The following ZNF880 variants were observed in gnomAD, a reference collection of about 807,000 sequenced individuals.
ZNF880 encodes the protein zinc finger protein LOC400713.
ZNF880 carries 12 observed loss-of-function variants against 11.8 expected under a neutral mutation model. That is an observed-to-expected ratio of 1.02 (90% CI 0.65 to 1.65). The LOEUF is 1.65. ZNF880 is among the 40% of genes most tolerant of loss of function. The pLI, the probability that ZNF880 is intolerant of heterozygous loss-of-function variation, is 0.00. For synonymous variants in ZNF880, 210 were observed against 232.4 expected, an observed-to-expected ratio of 0.90 and a Z score of 0.88; for missense variants, 601 against 673.9, an observed-to-expected ratio of 0.89 and a Z score of 1.20.
chr19:52,388,281 A>ATTTTTT (rs1298446341), downstream of ZNF880, among the ~76,000 whole-genome samples: 1 of 38,892 alleles, frequency 2.6e-5, no homozygotes, highest in Non-Finnish European at 4.6e-5. Flanking sequence ...GGCAATTTGA[A>ATTTTTT]CTTTTTTTTT....
intron 1 of ZNF880, chr19:52,370,737 G>A (rs1010154624): frequency 2.7e-4 from 41 of 152,190 alleles, no homozygotes; most frequent in African/African-American, 9.4e-4. Context: ...AAACTGAATT[G>A]AGCACAGTTT....
intron 3 of ZNF880, chr19:52,379,904 T>A (rs1222666205): frequency 2.0e-5 from 3 of 151,758 alleles, no homozygotes; most frequent in Non-Finnish European, 2.9e-5. Context: ...TTTTTTTTTT[T>A]ATTATTATTT....
At chr19:52,387,855 TGCTCAGTGAC>T (rs1986928387), downstream of ZNF880, among the ~76,000 whole-genome samples, 1 of 139,486 alleles carries the variant, frequency 7.2e-6, no homozygotes, top group African/African-American at 2.8e-5. Context: ...TTCCTAGTAG[TGCTCAGTGAC>T]GTAAGTGGAA....
intron 1 of ZNF880, chr19:52,370,365 G>A (rs17780009): frequency 0.19 from 44,653 of 230,810 alleles, 5,177 homozygotes; most frequent in Middle Eastern, 0.28. Context: ...TTAAATGAGA[G>A]GAAATCGATC....
the ZNF880 span, chr19:52,395,385 G>A: frequency 5.3e-5 from 8 of 152,328 alleles, no homozygotes; most frequent in African/African-American, 1.9e-4. Context: ...GTGATCTTGA[G>A]TTGAGGAAGT....
Position 52,384,415 on chromosome 19 carries a change from C to A in ZNF880, c.835C>A (p.Gln279Lys), listed in dbSNP as rs1428586304. ...KCHECGKVFT[Q>K]NSHLANHHRI... The stretch of plus-strand genomic sequence containing the variant: ...TCATGAGTGTGGCAAAGTCTTCACT[C>A]AAAATTCTCACCTTGCAAATCATCA... The change falls in exon 4 of 4, where the codon CAA (glutamine) becomes AAA (lysine). Residue 279 changes from glutamine to lysine, a missense_variant. Physicochemically the swap from Gln to Lys is moderately conservative, Grantham distance 53. Transcript: ENST00000422689. 4 of 1,613,736 alleles carry A rather than the reference C, an allele frequency of 2.5e-6. No homozygotes were observed. Among genetic ancestry groups the A allele is most frequent in the Admixed American group, 1.7e-5 (1 of 59,976 alleles).
At chr19:52,381,609 A>G (rs1600250649) in intron 3 of ZNF880, among the ~76,000 whole-genome samples, 1 of 151,424 alleles carries the variant, frequency 6.6e-6, no homozygotes, top group South Asian at 2.1e-4. Context: ...AAAAGAATAC[A>G]TATTAGATTA....
chr19:52,387,903 T>C (rs1320341606), downstream of ZNF880, among the ~76,000 whole-genome samples: 12 of 134,128 alleles, frequency 8.9e-5, 3 homozygotes, highest in East Asian at 1.7e-3. Flanking sequence ...ATTTTCTTTT[T>C]TTTTTTTTTT....
chr19:52,370,813 G>C (rs1986343581), intron 1 of ZNF880, among the ~76,000 whole-genome samples: 1 of 152,220 alleles, frequency 6.6e-6, no homozygotes, highest in Non-Finnish European at 1.5e-5. Context: ...GCCAGGCACA[G>C]TGGTGCACGC....
chr19:52,394,404 T>C, the ZNF880 span, among the ~76,000 whole-genome samples: 4 of 151,690 alleles, frequency 2.6e-5, no homozygotes, highest in Non-Finnish European at 4.4e-5. Context: ...GCCTGTTAAA[T>C]TTTTGTGTTT....
rs753755449 is a variant in ZNF880, at chr19:52,384,995, A to C, written c.1415A>C (p.Asp472Ala). 1.3e-6 allele frequency: 2 copies of C among 1,562,122 alleles called. No individual in the cohort carries two copies. Among genetic ancestry groups the C allele is most frequent in the Admixed American group, 1.9e-5 (1 of 51,896 alleles). Residue 472 changes from aspartate to alanine, a missense_variant, in exon 4 of 4, where the codon GAC becomes GCC. Around this residue, in one of 3 missense-constraint regions of ZNF880, gnomAD observed 177 missense variants for 214.5 expected, o/e 0.83. Coordinates refer to ENST00000422689, the MANE Select transcript of ZNF880 (RefSeq NM_001145434.2). ...KPYRCDECGK[D>A]FTRNSNLANH... ...TACAGATGTGATGAATGTGGCAAGG[A>C]CTTCACTCGAAATTCAAACCTTGCA...
chr19:52,381,665 G>A (rs1986709868), intron 3 of ZNF880, among the ~76,000 whole-genome samples: 1 of 151,628 alleles, frequency 6.6e-6, no homozygotes, highest in Non-Finnish European at 1.5e-5. Context: ...TCCCCTACAT[G>A]TCTTTCTTAC....
chr19:52,396,121 A>ATTTTTTTTT, the ZNF880 span, among the ~76,000 whole-genome samples: 20 of 120,632 alleles, frequency 1.7e-4, no homozygotes, highest in African/African-American at 3.6e-4. Context: ...TGCCTGGCTA[A>ATTTTTTTTT]TTTTTTTTTT....
At chr19:52,382,878 C>T (rs940091359) in intron 3 of ZNF880, among the ~76,000 whole-genome samples, 7 of 152,126 alleles carry the variant, frequency 4.6e-5, no homozygotes, top group Admixed American at 2.6e-4. Flanking sequence ...ATGGTGATTT[C>T]GAATCTTCTG....
chr19:52,374,253 C>A, intron 2 of ZNF880, 46 bp from the exon 3 acceptor site: 1 of 1,512,204 alleles, frequency 6.6e-7, no homozygotes, highest in Non-Finnish European at 8.9e-7. Flanking sequence ...TGGGGTTTCA[C>A]CGTGTTAGCC....
the ZNF880 span, among the ~76,000 whole-genome samples, chr19:52,393,415 T>C: frequency 1.3e-5 from 2 of 151,818 alleles, no homozygotes; most frequent in Non-Finnish European, 2.9e-5. Flanking sequence ...TTCTTTCTTT[T>C]TTTTTTTTCT....
Position 52,385,238 on chromosome 19 carries a change from G to A in ZNF880, c.1658G>A (p.Cys553Tyr), listed in dbSNP as rs780821725. 1.3e-5 allele frequency: 20 copies of A among 1,551,860 alleles called. No individual in the cohort carries two copies. In the Admixed American group the frequency reaches 3.9e-4, roughly 30 times the overall value. Residue 553 changes from cysteine to tyrosine, a missense_variant, in exon 4 of 4, where the codon TGT becomes TAT. By Grantham distance (194) the Cys-to-Tyr change is radical. This residue lies in a region of ZNF880 where 177 missense variants were observed against 214.5 expected (regional missense o/e 0.83). Coordinates refer to ENST00000422689, the MANE Select transcript of ZNF880 (RefSeq NM_001145434.2). ...GAGAAACCGTACAGATGTCATGAAT[G>A]TGGTAAGGACTTCACTCGAAATTCA... ...TGEKPYRCHE[C>Y]GKDFTRNSNL...
intron 3 of ZNF880, among the ~76,000 whole-genome samples, chr19:52,380,303 T>G (rs1205584445): frequency 3.2e-5 from 2 of 62,046 alleles, no homozygotes; most frequent in Non-Finnish European, 7.9e-5. Context: ...GTCTTTTGGG[T>G]TTTTTTTTTA....
In ZNF880 at chr19:52,384,085, C is replaced by G. The variant is rs370680033; in HGVS notation, c.505C>G (p.Pro169Ala). Reference sequence around the variant, plus strand: ...ATACAGAAATGATTTTGATGATTCTCCATTTCTCCCACAAGAACAAAAAGC... The same window carrying G: ...ATACAGAAATGATTTTGATGATTCTGCATTTCTCCCACAAGAACAAAAAGC... ...NKYRNDFDDSPFLPQEQKAQI... is the reference protein window; with the variant it reads ...NKYRNDFDDSAFLPQEQKAQI... The change falls in exon 4 of 4, where the codon CCA (proline) becomes GCA (alanine). Residue 169 changes from proline to alanine, a missense_variant. Coordinates refer to ENST00000422689, the MANE Select transcript of ZNF880 (RefSeq NM_001145434.2). 235 of 1,586,334 alleles carry G rather than the reference C, an allele frequency of 1.5e-4. No homozygotes were observed. Among genetic ancestry groups the G allele is most frequent in the Non-Finnish European group, 2.0e-4 (231 of 1,165,658 alleles).
Sources: allele counts gnomAD v4.1 joint callset (sites outside exome capture counted in the v4.1 genomes callset), GRCh38; gene constraint gnomAD v4.1.1; regional missense constraint gnomAD v4.1.1; transcripts MANE v1.5; gene names NCBI Gene and HGNC (gene_info 2026-07-23, HGNC 2026-07-21).